The following PILRA variants were observed in gnomAD, a reference collection of about 807,000 sequenced individuals.
PILRA encodes paired immunoglobin like type 2 receptor alpha.
PILRA carries 37 observed loss-of-function variants against 33.1 expected under a neutral mutation model. The ratio of observed to expected loss-of-function variants is 1.12; its 90% CI spans 0.86 to 1.47. PILRA has a LOEUF of 1.47. Ranked by LOEUF, PILRA falls within the 40% of genes most tolerant of loss-of-function variation. The pLI is 0.00. For synonymous variants in PILRA, 146 were observed against 149.9 expected, an observed-to-expected ratio of 0.97 and a Z score of 0.19; for missense variants, 312 against 376.2, an observed-to-expected ratio of 0.83 and a Z score of 1.41.
intron 2 of PILRA, among the ~76,000 whole-genome samples, chr7:100,375,332 CAA>C: frequency 6.6e-6 from 1 of 152,306 alleles, no homozygotes; most frequent in Non-Finnish European, 1.5e-5. Context: ...TCCACAATAA[CAA>C]GAGGAACTGC....
At position 100,399,845 on chromosome 7, in the gene PILRA, C is replaced by T. The variant is rs747385023; in HGVS notation, c.850C>T (p.Pro284Ser). Residue 284 changes from proline (P) to serine (S), a missense_variant, in exon 7 of 7, where the codon CCC becomes TCC. Pro to Ser is a moderately conservative substitution (Grantham distance 74, BLOSUM62 -1). Coordinates refer to ENST00000198536, the MANE Select transcript of PILRA (RefSeq NM_013439.3). ...LSSSTSPRAP[P>S]SHRPLKSPQN... ...CAGCTCCACCTCACCCAGAGCACCT[C>T]CCAGCCACCGTCCCCTCAAGAGCCC... is the stretch of plus-strand genomic sequence containing the variant. 6.2e-7 allele frequency: 1 copy of T among 1,613,764 alleles called. No individual in the cohort carries two copies. The highest frequency in any genetic ancestry group is 1.1e-5 in the South Asian group (1 of 91,008).
In PILRA at chr7:100,374,182, G is replaced by A. The variant is rs768049971; in HGVS notation, c.203G>A (p.Arg68Lys). The change falls in exon 2 of 7, where the codon AGA becomes AAA. Residue 68 changes from arginine (R) to lysine (K), a missense_variant. Physicochemically the swap from Arg to Lys is conservative, Grantham distance 26 (BLOSUM62 2). Transcript: ENST00000198536. ...PWELATAPDV[R>K]ISWRRGHFHR... ...GAGTTAGCCACAGCTCCCGACGTGA[G>A]AATATCCTGGAGACGGGGCCACTTC... is the stretch of plus-strand genomic sequence containing the variant. 23 of 1,614,008 alleles carry A rather than the reference G, an allele frequency of 1.4e-5. No homozygotes were observed. The highest frequency in any genetic ancestry group is 1.9e-5 in the Non-Finnish European group (23 of 1,180,040).
At position 100,384,352 on chromosome 7, in the gene PILRA, T is replaced by C. The variant is rs143417507; in HGVS notation, c.455-5536T>C. Among the ~76,000 whole-genome samples the C allele has an allele frequency of 4.6e-3, 694 of 150,478 alleles. 6 individuals carry two copies. Among genetic ancestry groups the C allele is most frequent in the African/African-American group, 0.016 (647 of 40,818 alleles). On this transcript the variant is annotated intron_variant, in intron 2 of 6. Coordinates refer to ENST00000198536, the MANE Select transcript of PILRA (RefSeq NM_013439.3). ...CTGAGTCTAGAGTGCAGGGGGAAAA[T>C]TGGCTGGATATATCAACTTGGAACC... is the stretch of plus-strand genomic sequence containing the variant.
At chr7:100,393,770 T>A (rs1791437501) in intron 3 of PILRA, among the ~76,000 whole-genome samples, 1 of 152,060 alleles carries the variant, frequency 6.6e-6, no homozygotes, top group Non-Finnish European at 1.5e-5. Context: ...GCTGCAAGGA[T>A]TCCAGCCACT....
rs528851798 is a variant in PILRA, at chr7:100,374,541, T to C, written c.454+108T>C. On this transcript the variant is annotated intron_variant, in intron 2 of 6. Coordinates refer to ENST00000198536, the MANE Select transcript of PILRA (RefSeq NM_013439.3). ...AGACCCCACTTCTTCTGACGACCCC[T>C]AAGTTCTCTCTTTGGCCCCTAACAC... is the stretch of plus-strand genomic sequence containing the variant. 5 of 1,346,318 alleles carry C rather than the reference T, an allele frequency of 3.7e-6. No individual in the cohort carries two copies. In the East Asian group the frequency reaches 7.1e-5, roughly 19 times the overall value. 83.4% of individuals were successfully genotyped at this position (1,346,318 alleles called of 1,614,324 possible).
intron 2 of PILRA, among the ~76,000 whole-genome samples, chr7:100,384,548 A>G (rs939498289): frequency 6.6e-6 from 1 of 150,908 alleles, no homozygotes; most frequent in African/African-American, 2.4e-5. Context: ...GGGGAGCACT[A>G]CCACACCTGG....
intron 3 of PILRA, among the ~76,000 whole-genome samples, chr7:100,393,647 G>A (rs1376510960): frequency 6.6e-6 from 1 of 152,072 alleles, no homozygotes; most frequent in Admixed American, 6.6e-5. Context: ...CTTGTAAACA[G>A]ATCTGGAAGC....
rs1216764458 is a variant in PILRA, at chr7:100,373,557, C to T, written c.-100C>T. ...CCCTCTTCGGAGCCTGAGCCCGGCT[C>T]TCCTCACTCACCTCAACCCCCAGGC... On this transcript the variant is annotated 5_prime_UTR_variant, in exon 1 of 7. Transcript: ENST00000198536. 5.8e-6 allele frequency: 8 copies of T among 1,372,532 alleles called. No homozygotes were observed. Among genetic ancestry groups the T allele is most frequent in the African/African-American group, 1.4e-5 (1 of 70,486 alleles). 85.0% of individuals were successfully genotyped at this position (1,372,532 alleles called of 1,614,324 possible).
chr7:100,376,915 C>T (rs754779788), intron 2 of PILRA, among the ~76,000 whole-genome samples: 2 of 151,742 alleles, frequency 1.3e-5, no homozygotes, highest in African/African-American at 4.8e-5. Context: ...GCACGCACCA[C>T]CACACCTGGC....
chr7:100,388,140 G>A (rs1034328701), intron 2 of PILRA, among the ~76,000 whole-genome samples: 1 of 151,912 alleles, frequency 6.6e-6, no homozygotes, highest in Non-Finnish European at 1.5e-5. Context: ...TATTATACAT[G>A]TTTTCCTTTA....
At chr7:100,396,464 C>G (rs552834536) in intron 3 of PILRA, among the ~76,000 whole-genome samples, 10 of 152,238 alleles carry the variant, frequency 6.6e-5, no homozygotes, top group Admixed American at 1.3e-4. Flanking sequence ...ACCAGCATGA[C>G]CAACGTGGTG....
At chr7:100,385,985 G>A (rs1403054734) in intron 2 of PILRA, among the ~76,000 whole-genome samples, 1 of 148,006 alleles carries the variant, frequency 6.8e-6, no homozygotes, top group Non-Finnish European at 1.5e-5. Flanking sequence ...GGCTGGATGA[G>A]GTGGCACGAT....
chr7:100,382,829 C>T lies in PILRA; in HGVS notation c.455-7059C>T, dbSNP rs566617955. On this transcript the variant is annotated intron_variant, in intron 2 of 6. Transcript: ENST00000198536. ...TTTGTAGCTTCACTCTGGAAGCCAG[C>T]GAGACCACGAACCCATAAAAAGGAA... 2.6e-5 allele frequency among the ~76,000 whole-genome samples: 4 copies of T among 152,248 alleles called. No individual in the cohort carries two copies. The South Asian group carries it at 6.2e-4, about 24-fold the overall frequency.
chr7:100,377,327 G>A (rs929442882), intron 2 of PILRA, among the ~76,000 whole-genome samples: 23 of 129,734 alleles, frequency 1.8e-4, no homozygotes, highest in African/African-American at 5.9e-4. Context: ...TGCAAACTCC[G>A]CCTCCCAGGT....
chr7:100,389,971 G>T lies in PILRA; in HGVS notation c.538G>T (p.Val180Phe), dbSNP rs1474112110. The change falls in exon 3 of 7, where the codon GTC becomes TTC. Residue 180 changes from valine to phenylalanine, a missense_variant. Coordinates refer to ENST00000198536, the MANE Select transcript of PILRA (RefSeq NM_013439.3). Reference sequence around the variant, plus strand: ...CACAACCACCACAACCGGCCTCAGGGTCACACAGGGCAAACGACGCTCAGA... The same window carrying T: ...CACAACCACCACAACCGGCCTCAGGTTCACACAGGGCAAACGACGCTCAGA... ...SSTTTTTGLR[V>F]TQGKRRSDSW... is the part of the protein sequence containing the mutation. 2 of 1,614,048 alleles carry T rather than the reference G, an allele frequency of 1.2e-6. No homozygotes were observed. The highest frequency in any genetic ancestry group is 1.7e-6 in the Non-Finnish European group (2 of 1,179,980).
chr7:100,382,454 C>G (rs1258173962), intron 2 of PILRA, among the ~76,000 whole-genome samples: 1 of 152,116 alleles, frequency 6.6e-6, no homozygotes, highest in African/African-American at 2.4e-5. Context: ...TGTGAATGCA[C>G]CAATCAGCGC....
Position 100,399,567 on chromosome 7 carries a change from C to A in PILRA, c.758-14C>A, listed in dbSNP as rs996324944. 3 of 1,614,138 alleles carry A rather than the reference C, an allele frequency of 1.9e-6. No homozygotes were observed. Among genetic ancestry groups the A allele is most frequent in the Non-Finnish European group, 2.5e-6 (3 of 1,180,012 alleles). Reference sequence around the variant, plus strand: ...CGCCACCTGACCTTGGCACACCTTGCTTTTTATTCTTAGGACAAAATACAG... The same window carrying A: ...CGCCACCTGACCTTGGCACACCTTGATTTTTATTCTTAGGACAAAATACAG... On this transcript the variant is annotated splice_polypyrimidine_tract_variant and intron_variant, in intron 5 of 6. Coordinates refer to ENST00000198536, the MANE Select transcript of PILRA (RefSeq NM_013439.3).
intron 3 of PILRA, among the ~76,000 whole-genome samples, chr7:100,394,627 T>C: frequency 7.4e-6 from 1 of 135,392 alleles, no homozygotes; most frequent in East Asian, 2.1e-4. Context: ...AGGAGCTGAA[T>C]TGAAAAAAAA....
intron 1 of PILRA, 53 bp from the exon 2 acceptor site, chr7:100,373,991 T>G: frequency 6.3e-7 from 1 of 1,585,530 alleles, no homozygotes. Flanking sequence ...ACCCTCTTTG[T>G]GTCTTGAGGT....
Sources: allele counts gnomAD v4.1 joint callset (sites outside exome capture counted in the v4.1 genomes callset), GRCh38; gene constraint gnomAD v4.1.1; transcripts MANE v1.5; gene names NCBI Gene and HGNC (gene_info 2026-07-23, HGNC 2026-07-21).